The following GPR141 variants were observed in gnomAD, a reference collection of about 807,000 sequenced individuals.
GPR141 encodes G protein-coupled receptor 141, also known as probable G protein-coupled receptor 141.
In GPR141, 6 loss-of-function variants were observed where a neutral mutation model predicts 6.8. The observed-to-expected ratio is 0.88, with a 90% CI of 0.48 to 1.74. GPR141 has a LOEUF of 1.74. GPR141 is among the 40% of genes most tolerant of loss of function. GPR141 has a pLI of 0.01. For synonymous variants in GPR141, 140 were observed against 142.3 expected, an observed-to-expected ratio of 0.98 and a Z score of 0.11; for missense variants, 372 against 372.9, an observed-to-expected ratio of 1.00 and a Z score of 0.02.
rs941025135 is a variant in GPR141, at chr7:37,742,845, T to G, written c.*1534T>G. ...CAAACCTGCACATGTACCCCTGAAC[T>G]TAAAATAAAATTTAAAGTAATAATA... On this transcript the variant is annotated 3_prime_UTR_variant, in exon 3 of 3. Coordinates refer to ENST00000334425, the MANE Select transcript of GPR141 (RefSeq NM_001381946.1). Among the ~76,000 whole-genome samples, 20 of 152,180 alleles carry G rather than the reference T, an allele frequency of 1.3e-4. No individual in the cohort carries two copies. Among genetic ancestry groups the G allele is most frequent in the African/African-American group, 4.6e-4 (19 of 41,464 alleles).
intron 2 of GPR141, among the ~76,000 whole-genome samples, chr7:37,739,429 C>T (rs1812418553): frequency 6.6e-6 from 1 of 152,122 alleles, no homozygotes; most frequent in Non-Finnish European, 1.5e-5. Context: ...TTGCTTGAAT[C>T]TTGTCTCAAG....
intron 2 of GPR141, among the ~76,000 whole-genome samples, chr7:37,732,598 C>T (rs1812022281): frequency 6.6e-6 from 1 of 152,142 alleles, no homozygotes; most frequent in Non-Finnish European, 1.5e-5. Flanking sequence ...GAAAACCTAT[C>T]AGGACTCAAT....
chr7:37,732,796 G>A (rs1159537777), intron 2 of GPR141, among the ~76,000 whole-genome samples: 1 of 152,208 alleles, frequency 6.6e-6, no homozygotes, highest in Non-Finnish European at 1.5e-5. Flanking sequence ...GTAAGGAGAG[G>A]ATTGGCACAG....
chr7:37,730,240 A>G (rs914335703), intron 2 of GPR141, among the ~76,000 whole-genome samples: 1 of 152,148 alleles, frequency 6.6e-6, no homozygotes, highest in Non-Finnish European at 1.5e-5. Flanking sequence ...ATCATTGCAG[A>G]AGTACTTGAC....
intron 1 of GPR141, among the ~76,000 whole-genome samples, chr7:37,684,209 T>C (rs1168562134): frequency 6.6e-6 from 1 of 152,242 alleles, no homozygotes. Context: ...CAGTTGGCAC[T>C]ATTGAATTTG....
At chr7:37,694,343 G>A (rs999947774) in intron 2 of GPR141, among the ~76,000 whole-genome samples, 2 of 152,372 alleles carry the variant, frequency 1.3e-5, no homozygotes, top group African/African-American at 4.8e-5. Context: ...AGGCCCCTCA[G>A]GGCAGGGTGC....
chr7:37,707,331 A>G (rs1810571914), intron 2 of GPR141, among the ~76,000 whole-genome samples: 1 of 152,178 alleles, frequency 6.6e-6, no homozygotes, highest in Admixed American at 6.5e-5. Flanking sequence ...CAACTTGCTC[A>G]ATTTCAGATA....
intron 2 of GPR141, among the ~76,000 whole-genome samples, chr7:37,711,501 A>G (rs1201546383): frequency 1.3e-5 from 2 of 152,226 alleles, no homozygotes; most frequent in Non-Finnish European, 2.9e-5. Context: ...TGTGACAGAT[A>G]GAGAAGACTC....
At chr7:37,685,364 T>TCCTGCCTGCCTGCCTGCCTGCCTGCCTG in intron 1 of GPR141, 96 bp from the exon 2 acceptor site, 1 of 145,244 alleles carries the variant, frequency 6.9e-6, no homozygotes, top group Non-Finnish European at 1.5e-5. Context: ...CCTCCTTCCT[T>TCCTGCCTGCCTGCCTGCCTGCCTGCCTG]CCTGCCTGCC....
At chr7:37,727,706 T>G (rs140224646) in intron 2 of GPR141, among the ~76,000 whole-genome samples, 141 of 152,332 alleles carry the variant, frequency 9.3e-4, no homozygotes, top group African/African-American at 3.3e-3. Flanking sequence ...TTGTTTAATT[T>G]GGGGGCAAGC....
intron 2 of GPR141, among the ~76,000 whole-genome samples, chr7:37,725,515 G>A (rs907452986): frequency 8.5e-5 from 13 of 152,146 alleles, no homozygotes; most frequent in Admixed American, 4.6e-4. Context: ...GGCAGTCACC[G>A]GCAGCATTGA....
chr7:37,740,089 ATCC>A (rs1812455199), intron 2 of GPR141, among the ~76,000 whole-genome samples: 1 of 152,162 alleles, frequency 6.6e-6, no homozygotes, highest in South Asian at 2.1e-4. Flanking sequence ...ATGGTCTGCA[ATCC>A]TCCTGAAGTT....
intron 2 of GPR141, among the ~76,000 whole-genome samples, chr7:37,737,554 G>A (rs374272591): frequency 1.6e-4 from 25 of 151,950 alleles, no homozygotes; most frequent in African/African-American, 5.3e-4. Flanking sequence ...TTTGTAAACT[G>A]TCTTAAAACA....
intron 2 of GPR141, among the ~76,000 whole-genome samples, chr7:37,696,968 T>C (rs1583526380): frequency 6.6e-6 from 1 of 152,162 alleles, no homozygotes; most frequent in Non-Finnish European, 1.5e-5. Flanking sequence ...AATTTATCTT[T>C]ATAATACCAT....
intron 2 of GPR141, among the ~76,000 whole-genome samples, chr7:37,725,946 T>A (rs1053058195): frequency 1.3e-5 from 2 of 152,138 alleles, no homozygotes; most frequent in Non-Finnish European, 2.9e-5. Flanking sequence ...AATTGATTGC[T>A]CTTAAGTTTT....
intron 2 of GPR141, among the ~76,000 whole-genome samples, chr7:37,694,749 G>GC (rs1809939566): frequency 2.0e-5 from 3 of 152,156 alleles, no homozygotes; most frequent in Admixed American, 2.0e-4. Flanking sequence ...AATTAATAGA[G>GC]CAAGAATTCA....
At chr7:37,708,917 T>C (rs1432516441) in intron 2 of GPR141, among the ~76,000 whole-genome samples, 1 of 152,214 alleles carries the variant, frequency 6.6e-6, no homozygotes, top group Non-Finnish European at 1.5e-5. Context: ...GAAGGTTTTT[T>C]CATATGTAAT....
chr7:37,741,392 T>C lies in GPR141; in HGVS notation c.*81T>C. ...TAGGGGAGGTAAGAATGGTATTTCA[T>C]TACTTGATCAAAACCATGCCTTGAT... On this transcript the variant is annotated 3_prime_UTR_variant, in exon 3 of 3. Coordinates refer to ENST00000334425, the MANE Select transcript of GPR141 (RefSeq NM_001381946.1). 9.4e-7 allele frequency: 1 copy of C among 1,062,606 alleles called. No homozygotes were observed. The highest frequency in any genetic ancestry group is 2.4e-5 in the East Asian group (1 of 40,856). The allele number at this position is 1,062,606 out of a possible 1,614,324, so 65.8% of individuals were successfully genotyped here.
At chr7:37,695,342 A>G (rs969039698) in intron 2 of GPR141, among the ~76,000 whole-genome samples, 9 of 152,168 alleles carry the variant, frequency 5.9e-5, no homozygotes, top group African/African-American at 2.2e-4. Flanking sequence ...CATGCAGGCC[A>G]CTGGGGGTGG....
Sources: allele counts gnomAD v4.1 joint callset (sites outside exome capture counted in the v4.1 genomes callset), GRCh38; gene constraint gnomAD v4.1.1; transcripts MANE v1.5; gene names NCBI Gene and HGNC (gene_info 2026-07-23, HGNC 2026-07-21).